The following KALRN variants were observed in gnomAD, a reference collection of about 807,000 sequenced individuals.
KALRN encodes kalirin.
Under a neutral mutation model 353.7 loss-of-function variants are expected in KALRN, and 70 were observed. The ratio of observed to expected loss-of-function variants is 0.20; its 90% confidence interval spans 0.16 to 0.24. KALRN has a LOEUF of 0.24. Among genes scored for constraint, KALRN ranks in the 10% least tolerant of loss-of-function variants. The pLI, the probability that KALRN is intolerant of heterozygous loss-of-function variation, is 1.00. For synonymous variants in KALRN, 1,391 were observed against 1,434.8 expected (o/e 0.97, Z 0.69); for missense variants, 2,791 against 3,756.7 (o/e 0.74, Z 6.72).
In KALRN at chr3:124,092,558, G is replaced by C. The variant is rs1346317689; in HGVS notation, c.73+58745G>C. On this transcript the variant is annotated intron_variant, in intron 1 of 59. Coordinates refer to ENST00000682506, the MANE Select transcript of KALRN (RefSeq NM_001388419.1). ...TGGCATGTCAGCACTGCCCTGGAGG[G>C]GCCTCCCTCAGGGTTCCTGTTAGGA... Among the ~76,000 whole-genome samples the C allele has an allele frequency of 2.0e-5, 3 of 152,188 alleles. No individual in the cohort carries two copies. In the East Asian group the frequency reaches 5.8e-4, roughly 29 times the overall value.
intron 5 of KALRN, among the ~76,000 whole-genome samples, chr3:124,279,710 C>T: frequency 6.6e-6 from 1 of 152,236 alleles, no homozygotes; most frequent in East Asian, 1.9e-4. Flanking sequence ...ATAAGCCAAT[C>T]ACTGTGCCGA....
At chr3:124,059,151 C>T (rs1164822910) in intron 1 of KALRN, among the ~76,000 whole-genome samples, 3 of 152,030 alleles carry the variant, frequency 2.0e-5, no homozygotes. Context: ...GGCACCCTTA[C>T]GTGAAACAGA....
At chr3:124,132,656 A>G (rs1560036756) in intron 1 of KALRN, among the ~76,000 whole-genome samples, 1 of 152,142 alleles carries the variant, frequency 6.6e-6, no homozygotes, top group East Asian at 1.9e-4. Context: ...TGTGTCTGGG[A>G]AGGAACCAGG....
chr3:124,714,073 GA>G (rs34464742), intron 58 of KALRN, among the ~76,000 whole-genome samples: 43,254 of 143,208 alleles, frequency 0.3, 7,909 homozygotes, highest in African/African-American at 0.5. Context: ...AAATCAGCTG[GA>G]AAAAAAAAAA....
intron 13 of KALRN, among the ~76,000 whole-genome samples, chr3:124,410,744 G>A (rs1218456831): frequency 6.6e-6 from 1 of 152,152 alleles, no homozygotes; most frequent in East Asian, 1.9e-4. Context: ...CGTTGCTCCT[G>A]GGTATGTAAA....
At chr3:124,467,340 A>G (rs912532507) in intron 25 of KALRN, among the ~76,000 whole-genome samples, 3 of 152,152 alleles carry the variant, frequency 2.0e-5, no homozygotes, top group Non-Finnish European at 4.4e-5. Flanking sequence ...TAGATTGGAG[A>G]TGAAGCTGGT....
At chr3:124,048,363 C>T (rs2040707505) in intron 1 of KALRN, among the ~76,000 whole-genome samples, 1 of 152,136 alleles carries the variant, frequency 6.6e-6, no homozygotes, top group South Asian at 2.1e-4. Flanking sequence ...CATCTTTATA[C>T]AAATGGATAG....
At chr3:124,448,079 C>T (rs999824074) in intron 21 of KALRN, among the ~76,000 whole-genome samples, 9 of 152,136 alleles carry the variant, frequency 5.9e-5, no homozygotes, top group African/African-American at 2.2e-4. Context: ...CATTGGTGTT[C>T]CTGTCTGCAT....
At chr3:124,550,386 C>A (rs2070331905) in intron 33 of KALRN, among the ~76,000 whole-genome samples, 1 of 152,120 alleles carries the variant, frequency 6.6e-6, no homozygotes, top group Non-Finnish European at 1.5e-5. Context: ...GATCAGATCC[C>A]ATTACTTGCC....
intron 1 of KALRN, among the ~76,000 whole-genome samples, chr3:124,125,917 T>C (rs905494848): frequency 3.3e-5 from 5 of 152,162 alleles, no homozygotes; most frequent in Non-Finnish European, 7.3e-5. Context: ...TTCCATGAGT[T>C]AGAGGCTGCG....
rs1015454854 is a variant in KALRN, at chr3:124,721,876, T to A, written c.*2406T>A. The A allele has an allele frequency of 5.9e-5, 9 of 152,368 alleles. No individual in the cohort carries two copies. Among genetic ancestry groups the A allele is most frequent in the African/African-American group, 2.2e-4 (9 of 41,526 alleles). The allele number at this position is 152,368 out of a possible 1,614,324, so 9.4% of individuals were successfully genotyped here. ...GGGAGGCTGAGGCAGGAGAATCGCT[T>A]GAAACCGGAAGGCGGAGGTTGCCGT... On this transcript the variant is annotated 3_prime_UTR_variant, in exon 60 of 60. Transcript: ENST00000682506.
chr3:124,495,260 T>A, intron 32 of KALRN, among the ~76,000 whole-genome samples: 1 of 152,126 alleles, frequency 6.6e-6, no homozygotes, highest in Non-Finnish European at 1.5e-5. Flanking sequence ...TGGCCTTCTG[T>A]ATCGATAAGA....
At chr3:124,690,412 A>C (rs72968715) in intron 51 of KALRN, among the ~76,000 whole-genome samples, 192 of 152,292 alleles carry the variant, frequency 1.3e-3, no homozygotes, top group African/African-American at 4.6e-3. Context: ...GTCCAGAGTC[A>C]AAGTTAGAAA....
At chr3:124,682,949 C>A (rs1003554505) in intron 51 of KALRN, among the ~76,000 whole-genome samples, 1 of 152,178 alleles carries the variant, frequency 6.6e-6, no homozygotes, top group Non-Finnish European at 1.5e-5. Flanking sequence ...GCCATCCCCT[C>A]GTGGCCAAGT....
intron 1 of KALRN, among the ~76,000 whole-genome samples, chr3:124,098,775 G>T (rs1347709283): frequency 6.6e-6 from 1 of 152,000 alleles, no homozygotes; most frequent in Non-Finnish European, 1.5e-5. Flanking sequence ...TCACCTTGCA[G>T]TCCACTAATT....
chr3:124,279,327 A>C (rs1344723905), intron 5 of KALRN, among the ~76,000 whole-genome samples: 1 of 152,260 alleles, frequency 6.6e-6, no homozygotes, highest in Non-Finnish European at 1.5e-5. Context: ...GAAAATGTAC[A>C]TAAATCTACC....
intron 4 of KALRN, among the ~76,000 whole-genome samples, chr3:124,268,147 G>T (rs909345168): frequency 6.6e-6 from 1 of 152,168 alleles, no homozygotes; most frequent in African/African-American, 2.4e-5. Flanking sequence ...ACATTCTCCA[G>T]TCCGCTCTCC....
chr3:124,268,527 A>T, intron 4 of KALRN: 1 of 578,456 alleles, frequency 1.7e-6, no homozygotes, highest in African/African-American at 1.9e-5. Flanking sequence ...TGGCAGTTGT[A>T]GAGGCTTGCT....
At chr3:124,297,928 G>T (rs1416545776) in intron 5 of KALRN, among the ~76,000 whole-genome samples, 2 of 152,372 alleles carry the variant, frequency 1.3e-5, no homozygotes, top group East Asian at 3.9e-4. Context: ...AAGAAGAGAA[G>T]CCATAACTAA....
Sources: gnomAD v4.1 joint callset for allele counts (sites outside exome capture counted in the v4.1 genomes callset) on GRCh38, gnomAD v4.1.1 for gene constraint, MANE v1.5 for transcripts, NCBI Gene and HGNC (gene_info 2026-07-23, HGNC 2026-07-21) for gene names.